The following ARHGAP45 variants were observed in gnomAD, a reference collection of about 807,000 sequenced individuals.
ARHGAP45 encodes rho GTPase-activating protein 45.
Under a neutral mutation model 116.1 loss-of-function variants are expected in ARHGAP45, and 56 were observed. The ratio of observed to expected loss-of-function variants is 0.48; its 90% confidence interval spans 0.39 to 0.60. The LOEUF is 0.60. Among genes scored for constraint, ARHGAP45 ranks in the 20% least tolerant of loss-of-function variants. The pLI is 0.00. For synonymous variants in ARHGAP45, 866 were observed against 701.7 expected (o/e 1.23, Z -3.70); for missense variants, 1,622 against 1,601.0 (o/e 1.01, Z -0.22).
Position 1,074,821 on chromosome 19 carries a change from A to G in ARHGAP45, c.1127A>G (p.Glu376Gly), listed in dbSNP as rs757423370. 1 of 1,529,262 alleles carries G rather than the reference A, an allele frequency of 6.5e-7. No homozygotes were observed. The highest frequency in any genetic ancestry group is 8.8e-7 in the Non-Finnish European group (1 of 1,131,234). 94.7% of individuals were successfully genotyped at this position (1,529,262 alleles called of 1,614,324 possible). The change falls in exon 10 of 23, where the codon GAA (glutamate) becomes GGA (glycine). Residue 376 changes from glutamate (E) to glycine (G), a missense_variant. Glu to Gly is a moderately conservative substitution (Grantham distance 98). This residue lies in a region of ARHGAP45 where 1,334 missense variants were observed against 1,263.8 expected (regional missense o/e 1.06). Coordinates refer to ENST00000313093, the MANE Select transcript of ARHGAP45 (RefSeq NM_012292.5). ...CAGCCCCTGACCCTGCGGCGGCTTG[A>G]ACACGAGAAGCGCAGGAAGGAGATC... ...FMQPLTLRRL[E>G]HEKRRKEIKE... is the part of the protein sequence containing the mutation.
Position 1,080,519 on chromosome 19 carries a change from C to G in ARHGAP45, c.1884C>G (p.Asp628Glu), listed in dbSNP as rs769854991. The change falls in exon 15 of 23, where the codon GAC becomes GAG. Residue 628 changes from aspartate to glutamate, a missense_variant. Physicochemically the swap from Asp to Glu is conservative, Grantham distance 45 (BLOSUM62 2). Transcript: ENST00000313093. ...KSWPLSISDS[D>E]SGLDPGPGAG... ...GGCCGCTCTCGATCTCAGACTCGGA[C>G]AGTGGGCTGGACCCCGGCCCTGGCG... The G allele has an allele frequency of 3.7e-6, 6 of 1,612,826 alleles. No homozygotes were observed. The South Asian group carries it at 5.5e-5, about 15-fold the overall frequency.
In ARHGAP45 at chr19:1,068,509, C is replaced by T; in HGVS notation, c.186C>T (p.Leu62=). The T allele has an allele frequency of 6.3e-7, 1 of 1,599,578 alleles. No homozygotes were observed. The highest frequency in any genetic ancestry group is 8.5e-7 in the Non-Finnish European group (1 of 1,174,002). ...GSSGVKATGT[L]KRPTSLSRHA... Reference sequence around the variant, plus strand: ...CCGGCGTCAAGGCCACAGGGACCCTCAAGCGGCCCACCAGCCTGAGCCGCC... The same window carrying T: ...CCGGCGTCAAGGCCACAGGGACCCTTAAGCGGCCCACCAGCCTGAGCCGCC... Residue 62 remains leucine, a synonymous_variant, in exon 2 of 23, where the codon CTC becomes CTT. Transcript: ENST00000313093. This position sits in a 1 kb window ranked among gnomAD's most constrained non-coding sequence, Gnocchi z 7.5.
chr19:1,079,178 T>TAA (rs1402162313), intron 11 of ARHGAP45, among the ~76,000 whole-genome samples: 1 of 99,016 alleles, frequency 1.0e-5, no homozygotes. Context: ...AGACTCTGTC[T>TAA]CAAAAAAAAA....
At chr19:1,078,144 GTTTTTTTGT>G in intron 11 of ARHGAP45, 99 bp downstream of exon 11, 1 of 1,452,990 alleles carries the variant, frequency 6.9e-7, no homozygotes, top group Non-Finnish European at 9.1e-7. Context: ...TTGTTTTTTT[GTTTTTTTGT>G]TTGTTTTTGA....
In ARHGAP45 at chr19:1,074,250, T is replaced by C. The variant is rs773173588; in HGVS notation, c.928+9T>C. The C allele has an allele frequency of 1.9e-6, 3 of 1,612,648 alleles. No homozygotes were observed. Among genetic ancestry groups the C allele is most frequent in the Non-Finnish European group, 2.5e-6 (3 of 1,179,714 alleles). Reference sequence around the variant, plus strand: ...GAAGCGGACGACGCTGGGTGAGAGCTGGTGTCCCAGCAGGGTGGGTCTGGA... The same window carrying C: ...GAAGCGGACGACGCTGGGTGAGAGCCGGTGTCCCAGCAGGGTGGGTCTGGA... On this transcript the variant is annotated intron_variant, in intron 7 of 22. Transcript: ENST00000313093.
chr19:1,066,922 T>C (rs887911793), upstream of ARHGAP45, among the ~76,000 whole-genome samples: 7 of 152,004 alleles, frequency 4.6e-5, no homozygotes, highest in East Asian at 5.8e-4. Context: ...TCCAGGGGCT[T>C]GGTGGCGTCT....
At chr19:1,076,481 GTCTTTTTTT>G (rs1333247160) in intron 10 of ARHGAP45, among the ~76,000 whole-genome samples, 7 of 104,176 alleles carry the variant, frequency 6.7e-5, no homozygotes, top group African/African-American at 2.8e-4. Flanking sequence ...GTTGGCAGTA[GTCTTTTTTT>G]TTTTTTTTTT....
chr19:1,083,522 C>G (rs541604011), intron 21 of ARHGAP45, among the ~76,000 whole-genome samples, 169 bp downstream of exon 21: 1 of 152,188 alleles, frequency 6.6e-6, no homozygotes, highest in African/African-American at 2.4e-5. Context: ...ATGCAAAAAA[C>G]TCAGCGAGGT....
chr19:1,074,297 T>G (rs748256203), intron 7 of ARHGAP45, 46 bp from the exon 8 acceptor site: 1 of 1,611,890 alleles, frequency 6.2e-7, no homozygotes, highest in Non-Finnish European at 8.5e-7. Flanking sequence ...CTGGGTGAGC[T>G]GGGAAGGCCT....
chr19:1,076,083 A>G (rs890700391), intron 10 of ARHGAP45, among the ~76,000 whole-genome samples: 5 of 152,010 alleles, frequency 3.3e-5, no homozygotes, highest in Non-Finnish European at 5.9e-5. Flanking sequence ...TATTTCATGG[A>G]CGTCTTGGGA....
intron 11 of ARHGAP45, among the ~76,000 whole-genome samples, 172 bp from the exon 12 acceptor site, chr19:1,079,531 G>T (rs1195975392): frequency 1.3e-5 from 2 of 151,458 alleles, no homozygotes; most frequent in African/African-American, 4.8e-5. Context: ...GATGGGGAGG[G>T]TCTCACCATG....
At position 1,086,131 on chromosome 19, in the gene ARHGAP45, C is replaced by A; in HGVS notation, c.*125C>A. 1.2e-6 allele frequency: 1 copy of A among 844,428 alleles called. No homozygotes were observed. The highest frequency in any genetic ancestry group is 1.8e-6 in the Non-Finnish European group (1 of 551,128). 52.3% of individuals were successfully genotyped at this position (844,428 alleles called of 1,614,324 possible). A position where few individuals can be genotyped will look rare whatever the true frequency, so the allele number is the denominator to read the frequency against. On this transcript the variant is annotated 3_prime_UTR_variant, in exon 23 of 23. Coordinates refer to ENST00000313093, the MANE Select transcript of ARHGAP45 (RefSeq NM_012292.5). ...GGGGTCGCTGCCGAGAGCGCCTGGACTTCGACGTCCCACCAGCGGGCGCCT... is the reference window on the plus strand; with the variant it reads ...GGGGTCGCTGCCGAGAGCGCCTGGAATTCGACGTCCCACCAGCGGGCGCCT...
Position 1,083,034 on chromosome 19 carries a change from C to G in ARHGAP45, c.2712C>G (p.Ala904=), listed in dbSNP as rs776802254. 1.6e-5 allele frequency: 25 copies of G among 1,545,320 alleles called. No individual in the cohort carries two copies. In the East Asian group the frequency reaches 5.0e-4, roughly 31 times the overall value. Residue 904 remains alanine (A), a synonymous_variant, in exon 20 of 23, where the codon GCC becomes GCG. Coordinates refer to ENST00000313093, the MANE Select transcript of ARHGAP45 (RefSeq NM_012292.5). ...GGGACCTGCCGCCTGAGAACCGGGC[C>G]TCGCTGCAGTACCTGCTGCGTCACC... ...LLRDLPPENR[A]SLQYLLRHLR...
In ARHGAP45 at chr19:1,071,496, T is replaced by C; in HGVS notation, c.422-1653T>C. On this transcript the variant is annotated intron_variant, in intron 2 of 22. Transcript: ENST00000313093. This position sits in a 1 kb window ranked among gnomAD's most constrained non-coding sequence, Gnocchi z 4.6. ...CGTGCGCACCTGGGCATCCCTGCGC[T>C]GCGCAGGGGTCGCGCCGGCCGCCGG... 6.3e-6 allele frequency: 4 copies of C among 631,038 alleles called. No homozygotes were observed. Among genetic ancestry groups the C allele is most frequent in the Non-Finnish European group, 8.0e-6 (4 of 499,604 alleles). 39.1% of individuals were successfully genotyped at this position (631,038 alleles called of 1,614,324 possible). A position where few individuals can be genotyped will look rare whatever the true frequency, so the allele number is the denominator to read the frequency against.
In ARHGAP45 at chr19:1,086,023, G is replaced by A. The variant is rs1340601641; in HGVS notation, c.*17G>A. On this transcript the variant is annotated 3_prime_UTR_variant, in exon 23 of 23. Coordinates refer to ENST00000313093, the MANE Select transcript of ARHGAP45 (RefSeq NM_012292.5). ...TTCGTGTGAGCTGGGGTGGGGCTGG[G>A]ACCACAGGTGGCTTCTCTCTTGCCT... The A allele has an allele frequency of 1.9e-6, 3 of 1,598,596 alleles. No individual in the cohort carries two copies. The highest frequency in any genetic ancestry group is 1.3e-5 in the African/African-American group (1 of 74,762).
chr19:1,080,198 G>A (rs746369558), intron 13 of ARHGAP45, 57 bp from the exon 14 acceptor site: 10 of 1,610,560 alleles, frequency 6.2e-6, no homozygotes, highest in Non-Finnish European at 8.5e-6. Flanking sequence ...GGGGCATGAA[G>A]ATGAAGCTGT....
intron 22 of ARHGAP45, 101 bp downstream of exon 22, chr19:1,084,447 G>A (rs930600825): frequency 1.6e-5 from 14 of 850,618 alleles, no homozygotes; most frequent in East Asian, 1.6e-4. Context: ...CAGGGTCCAC[G>A]GTGCTGCACA....
At position 1,085,870 on chromosome 19, in the gene ARHGAP45, GC is replaced by G; in HGVS notation, c.3278del (p.Pro1093ArgfsTer24). On this transcript the variant is annotated frameshift_variant, in exon 23 of 23. Coordinates refer to ENST00000313093, the MANE Select transcript of ARHGAP45 (RefSeq NM_012292.5). LOFTEE classifies it low-confidence loss of function (END_TRUNC). ...GAGGACGGGGACGGGGACGAGGACG[GC>G]CCGGCCCAGCAGCTCTCAGGATTCA... is the stretch of plus-strand genomic sequence containing the variant. ...AREDGDGDED[G>X]PAQQLSGFNT... is the part of the protein sequence containing the mutation. The G allele has an allele frequency of 6.2e-7, 1 of 1,611,292 alleles. No homozygotes were observed. The highest frequency in any genetic ancestry group is 8.5e-7 in the Non-Finnish European group (1 of 1,179,564).
At position 1,071,227 on chromosome 19, in the gene ARHGAP45, C is replaced by T. The variant is rs933574146; in HGVS notation, c.422-1922C>T. The T allele has an allele frequency of 4.8e-6, 7 of 1,455,566 alleles. No individual in the cohort carries two copies. The highest frequency in any genetic ancestry group is 2.3e-5 in the Admixed American group (1 of 43,252). 90.2% of individuals were successfully genotyped at this position (1,455,566 alleles called of 1,614,324 possible). Reference sequence around the variant, plus strand: ...CCGGAGCCGGTTTGGCCACCGGAGACCCCCATCGGTCAGCTGCCAGGCCCC... The same window carrying T: ...CCGGAGCCGGTTTGGCCACCGGAGATCCCCATCGGTCAGCTGCCAGGCCCC... On this transcript the variant is annotated intron_variant, in intron 2 of 22. Transcript: ENST00000313093. This position sits in a 1 kb window ranked among gnomAD's most constrained non-coding sequence, Gnocchi z 4.6.
Sources: gnomAD v4.1 joint callset for allele counts (sites outside exome capture counted in the v4.1 genomes callset) on GRCh38, gnomAD v4.1.1 for gene constraint, gnomAD v4.1.1 regional missense constraint, Gnocchi (gnomAD v3.1) non-coding constraint, MANE v1.5 for transcripts, NCBI Gene and HGNC (gene_info 2026-07-23, HGNC 2026-07-21) for gene names.